The following CNTLN variants were observed in gnomAD, a reference collection of about 807,000 sequenced individuals.
The protein encoded by CNTLN is centlein.
A neutral mutation model predicts 180.0 loss-of-function variants in CNTLN; 212 were observed. The observed-to-expected ratio is 1.18, with a 90% CI of 1.05 to 1.32. The LOEUF (loss-of-function observed/expected upper bound fraction) is 1.32, where lower values mean the gene tolerates loss of function less well. Ranked by LOEUF, CNTLN falls within the 40% of genes most tolerant of loss-of-function variation. The probability of loss-of-function intolerance (pLI) is 0.00; values close to 1 mark genes in which losing one functional copy is unlikely to be tolerated. For synonymous variants in CNTLN, 722 were observed against 563.1 expected (o/e 1.28, Z -3.99); for missense variants, 2,095 against 1,610.9 (o/e 1.30, Z -5.14).
chr9:17,329,098 G>C (rs1820481836), intron 8 of CNTLN, among the ~76,000 whole-genome samples: 1 of 151,950 alleles, frequency 6.6e-6, no homozygotes, highest in African/African-American at 2.4e-5. Flanking sequence ...AAGTTTGCTT[G>C]TTGGATATAC....
intron 5 of CNTLN, among the ~76,000 whole-genome samples, chr9:17,250,935 A>G (rs541503938): frequency 6.6e-6 from 1 of 152,052 alleles, no homozygotes; most frequent in Non-Finnish European, 1.5e-5. Flanking sequence ...CTTGTAGTGC[A>G]TCTGAAGTGG....
chr9:17,314,952 T>C (rs142139087), intron 8 of CNTLN, among the ~76,000 whole-genome samples: 2,035 of 152,362 alleles, frequency 0.013, 48 homozygotes, highest in African/African-American at 0.047. Flanking sequence ...CTTAATAGAC[T>C]ATAACTTGTT....
At chr9:17,365,235 A>C (rs1324908602) in intron 12 of CNTLN, among the ~76,000 whole-genome samples, 1 of 152,108 alleles carries the variant, frequency 6.6e-6, no homozygotes, top group East Asian at 1.9e-4. Context: ...CCGGTTGTTT[A>C]AAAGTGTGTA....
At chr9:17,310,403 G>T (rs1819047903) in intron 8 of CNTLN, among the ~76,000 whole-genome samples, 1 of 152,058 alleles carries the variant, frequency 6.6e-6, no homozygotes, top group Non-Finnish European at 1.5e-5. Flanking sequence ...TTTGATATAG[G>T]TGTTTGTTTT....
intron 10 of CNTLN, among the ~76,000 whole-genome samples, chr9:17,338,147 T>TCCTTC (rs201944751): frequency 6.9e-6 from 1 of 144,676 alleles, no homozygotes; most frequent in Non-Finnish European, 1.5e-5. Context: ...CTTCCTTCCT[T>TCCTTC]CTTCTTTCTT....
chr9:17,449,986 C>G (rs1373075838), intron 18 of CNTLN, among the ~76,000 whole-genome samples: 2 of 152,160 alleles, frequency 1.3e-5, no homozygotes, highest in Admixed American at 1.3e-4. Flanking sequence ...TATTTAAACA[C>G]AGTTACAAAA....
At chr9:17,193,723 T>C (rs904154647) in intron 2 of CNTLN, among the ~76,000 whole-genome samples, 5 of 152,184 alleles carry the variant, frequency 3.3e-5, no homozygotes, top group African/African-American at 1.2e-4. Flanking sequence ...TGGATGATAG[T>C]GCCCCTCTTC....
intron 10 of CNTLN, among the ~76,000 whole-genome samples, chr9:17,335,380 G>A (rs534399287): frequency 6.2e-4 from 94 of 152,296 alleles, no homozygotes; most frequent in African/African-American, 2.2e-3. Flanking sequence ...AGCTGGGTGT[G>A]GTGGTGCATG....
intron 10 of CNTLN, among the ~76,000 whole-genome samples, chr9:17,336,192 C>A (rs1821022224): frequency 1.3e-5 from 2 of 152,026 alleles, no homozygotes; most frequent in Admixed American, 6.6e-5. Context: ...TTTGCCTTTG[C>A]TTACTATTTG....
chr9:17,495,726 T>A (rs2134389029), intron 25 of CNTLN, among the ~76,000 whole-genome samples: 1 of 152,286 alleles, frequency 6.6e-6, no homozygotes, highest in African/African-American at 2.4e-5. Flanking sequence ...GTCTTCACAT[T>A]TACTCACCGC....
intron 19 of CNTLN, among the ~76,000 whole-genome samples, chr9:17,458,237 A>T (rs1831253313): frequency 6.6e-6 from 1 of 151,874 alleles, no homozygotes; most frequent in East Asian, 1.9e-4. Context: ...AAAAAAAAGA[A>T]TCTAAGACCA....
intron 18 of CNTLN, among the ~76,000 whole-genome samples, chr9:17,426,049 T>C (rs1250775370): frequency 6.6e-6 from 1 of 152,186 alleles, no homozygotes; most frequent in Non-Finnish European, 1.5e-5. Context: ...TTTGTGTGAA[T>C]GTGAACCAGG....
rs140735707 is a variant in CNTLN, at chr9:17,367,335, C to G, written c.1987+618C>G. ...CCTGTCCAGAGGACAATCACCCATC[C>G]CAGTGGTTGGAACCTGAGTTCTGGC... On this transcript the variant is annotated intron_variant, in intron 13 of 25. Transcript: ENST00000380647. Among the ~76,000 whole-genome samples the G allele has an allele frequency of 2.8e-3, 433 of 152,284 alleles. 4 individuals carry two copies. Among genetic ancestry groups the G allele is most frequent in the African/African-American group, 9.9e-3 (413 of 41,570 alleles).
intron 6 of CNTLN, among the ~76,000 whole-genome samples, chr9:17,274,705 A>G (rs1291249611): frequency 1.3e-5 from 2 of 152,138 alleles, no homozygotes; most frequent in Admixed American, 6.6e-5. Context: ...TGATGGATAC[A>G]TCACTGCCAT....
At chr9:17,527,588 G>C in the CNTLN span, among the ~76,000 whole-genome samples, 2 of 152,132 alleles carry the variant, frequency 1.3e-5, no homozygotes, top group Non-Finnish European at 1.5e-5. Context: ...GATAAGCAAG[G>C]GGAGGAGAGG....
chr9:17,167,484 G>A (rs1233642900), intron 2 of CNTLN: 1 of 152,266 alleles, frequency 6.6e-6, no homozygotes, highest in Non-Finnish European at 1.5e-5. Context: ...TGTGTTTAAT[G>A]TCAGAAGGAA....
At chr9:17,301,205 C>T in intron 7 of CNTLN, 3 of 985,362 alleles carry the variant, frequency 3.0e-6, no homozygotes, top group Non-Finnish European at 3.6e-6. Flanking sequence ...TAGTGTATGT[C>T]TTTACTAAAT....
intron 2 of CNTLN, among the ~76,000 whole-genome samples, chr9:17,222,920 T>C (rs1563897537): frequency 2.6e-5 from 4 of 152,040 alleles, no homozygotes; most frequent in Admixed American, 2.6e-4. Flanking sequence ...CTCATACTTC[T>C]TTATGCAAAA....
At chr9:17,308,418 G>A (rs1818886187) in intron 7 of CNTLN, among the ~76,000 whole-genome samples, 1 of 151,916 alleles carries the variant, frequency 6.6e-6, no homozygotes, top group South Asian at 2.1e-4. Context: ...CAGCCTTACT[G>A]CTTGACTTTG....
Sources: allele counts gnomAD v4.1 joint callset (sites outside exome capture counted in the v4.1 genomes callset), GRCh38; gene constraint gnomAD v4.1.1; transcripts MANE v1.5; gene names NCBI Gene and HGNC (gene_info 2026-07-23, HGNC 2026-07-21).